Variants in CNTN4 observed in about 807,000 individuals in gnomAD.
CNTN4 encodes the protein contactin-4.
CNTN4 carries 77 observed loss-of-function variants against 122.5 expected under a neutral mutation model. The ratio of observed to expected loss-of-function variants is 0.63; its 90% CI spans 0.52 to 0.76. The LOEUF is 0.76. Among genes scored for constraint, CNTN4 ranks in the 30% least tolerant of loss-of-function variants. The pLI, the probability that CNTN4 is intolerant of heterozygous loss-of-function variation, is 0.00. For synonymous variants in CNTN4, 512 were observed against 447.0 expected (o/e 1.15, Z -1.83); for missense variants, 1,256 against 1,259.1 (o/e 1.00, Z 0.04).
chr3:2,174,269 G>A (rs978838793), intron 2 of CNTN4, among the ~76,000 whole-genome samples: 3 of 152,154 alleles, frequency 2.0e-5, no homozygotes, highest in African/African-American at 7.2e-5. Context: ...CTAGATGGAG[G>A]TGTATAAGAA....
intron 3 of CNTN4, among the ~76,000 whole-genome samples, chr3:2,524,359 T>C (rs1309388139): frequency 1.3e-5 from 2 of 152,136 alleles, no homozygotes; most frequent in Admixed American, 1.3e-4. Context: ...ATTTTAGATA[T>C]ACTACATTTT....
chr3:2,618,670 T>C (rs569290404), intron 4 of CNTN4, among the ~76,000 whole-genome samples: 26 of 152,192 alleles, frequency 1.7e-4, no homozygotes, highest in Non-Finnish European at 2.4e-4. Flanking sequence ...TCTGGAGTCA[T>C]TGCTCTTATT....
intron 4 of CNTN4, among the ~76,000 whole-genome samples, chr3:2,661,363 A>C (rs1559358498): frequency 6.6e-6 from 1 of 152,160 alleles, no homozygotes; most frequent in South Asian, 2.1e-4. Flanking sequence ...TCTAGGACTG[A>C]AATAAAACAT....
intron 3 of CNTN4, among the ~76,000 whole-genome samples, chr3:2,443,150 A>G (rs1035066462): frequency 1.3e-5 from 1 of 78,782 alleles, no homozygotes; most frequent in African/African-American, 3.9e-5. Flanking sequence ...ATAAAAGTTA[A>G]AAAAAAAAAA....
intron 3 of CNTN4, among the ~76,000 whole-genome samples, chr3:2,549,217 G>T (rs1032978232): frequency 6.6e-6 from 1 of 152,058 alleles, no homozygotes; most frequent in Non-Finnish European, 1.5e-5. Flanking sequence ...GATTGCCCTG[G>T]CCAGAACTTC....
intron 7 of CNTN4, among the ~76,000 whole-genome samples, chr3:2,837,527 C>T (rs115346748): frequency 2.7e-3 from 413 of 152,224 alleles, no homozygotes; most frequent in African/African-American, 9.3e-3. Context: ...CACACAGCAA[C>T]GGTCAGACTA....
At chr3:2,165,184 G>A (rs180841291) in intron 2 of CNTN4, among the ~76,000 whole-genome samples, 78 of 152,088 alleles carry the variant, frequency 5.1e-4, no homozygotes, top group African/African-American at 1.5e-3. Flanking sequence ...TTAGCTGGGT[G>A]TGATGGCGGG....
chr3:2,673,295 A>G lies in CNTN4; in HGVS notation c.56-62920A>G, dbSNP rs74817565. Reference sequence around the variant, plus strand: ...CTATGTACAGTCGATTTATGCTATCACCTTACATCTGGGTCTAAGCCAGCT... The same window carrying G: ...CTATGTACAGTCGATTTATGCTATCGCCTTACATCTGGGTCTAAGCCAGCT... On this transcript the variant is annotated intron_variant, in intron 4 of 24. Coordinates refer to ENST00000418658, the MANE Select transcript of CNTN4 (RefSeq NM_175607.3). Among the ~76,000 whole-genome samples the G allele has an allele frequency of 1.8e-3, 276 of 152,258 alleles. 8 individuals carry two copies. The East Asian group carries it at 0.045, about 25-fold the overall frequency.
At chr3:2,539,348 A>C (rs1026927984) in intron 3 of CNTN4, among the ~76,000 whole-genome samples, 1 of 152,078 alleles carries the variant, frequency 6.6e-6, no homozygotes, top group Non-Finnish European at 1.5e-5. Context: ...TATGAACCTC[A>C]TCTTTCCCCA....
intron 14 of CNTN4, among the ~76,000 whole-genome samples, chr3:3,025,850 C>G (rs952697236): frequency 3.9e-5 from 6 of 152,132 alleles, no homozygotes; most frequent in African/African-American, 1.4e-4. Flanking sequence ...GATCTCACCT[C>G]CATGCTCCCT....
intron 3 of CNTN4, among the ~76,000 whole-genome samples, chr3:2,420,300 T>C (rs1261685623): frequency 6.6e-6 from 1 of 152,200 alleles, no homozygotes; most frequent in East Asian, 1.9e-4. Context: ...TCTTAATTAA[T>C]GACTCTCAAG....
intron 2 of CNTN4, among the ~76,000 whole-genome samples, chr3:2,162,493 C>A (rs1271659417): frequency 6.6e-6 from 1 of 152,104 alleles, no homozygotes; most frequent in African/African-American, 2.4e-5. Context: ...AACTGTGTCC[C>A]ACAACTGGAA....
chr3:2,279,645 G>T (rs1055644817), intron 2 of CNTN4, among the ~76,000 whole-genome samples: 1 of 151,996 alleles, frequency 6.6e-6, no homozygotes, highest in East Asian at 1.9e-4. Context: ...AGATGAAAAG[G>T]CATTTTTGAC....
At chr3:2,514,012 G>GTGGA (rs1400565689) in intron 3 of CNTN4, among the ~76,000 whole-genome samples, 2 of 152,160 alleles carry the variant, frequency 1.3e-5, no homozygotes, top group Non-Finnish European at 2.9e-5. Context: ...CAACAACATT[G>GTGGA]TGGACAATTT....
At chr3:2,911,624 A>T (rs556320318) in intron 12 of CNTN4, among the ~76,000 whole-genome samples, 1 of 152,314 alleles carries the variant, frequency 6.6e-6, no homozygotes, top group African/African-American at 2.4e-5. Context: ...AAAGAATTCT[A>T]ATTATTCTCA....
intron 13 of CNTN4, among the ~76,000 whole-genome samples, chr3:2,981,261 A>G (rs370182350): frequency 3.8e-4 from 57 of 151,988 alleles, no homozygotes; most frequent in East Asian, 9.7e-4. Flanking sequence ...TGGCTAACAC[A>G]GTGAAACCCC....
chr3:2,481,463 G>A (rs977698204), intron 3 of CNTN4, among the ~76,000 whole-genome samples: 2 of 151,898 alleles, frequency 1.3e-5, no homozygotes, highest in Non-Finnish European at 2.9e-5. Context: ...TCAATAAATG[G>A]TCCTGGAACA....
At chr3:2,795,889 A>C (rs1169735982) in intron 6 of CNTN4, among the ~76,000 whole-genome samples, 4 of 152,164 alleles carry the variant, frequency 2.6e-5, no homozygotes, top group African/African-American at 7.2e-5. Flanking sequence ...AGGCAAAAAG[A>C]AATAAAAATA....
chr3:2,326,220 C>T (rs911850785), intron 2 of CNTN4, among the ~76,000 whole-genome samples: 1 of 152,128 alleles, frequency 6.6e-6, no homozygotes, highest in Non-Finnish European at 1.5e-5. Flanking sequence ...AGAGAATTTC[C>T]CTGTCCCTAC....
Sources: allele counts gnomAD v4.1 joint callset (sites outside exome capture counted in the v4.1 genomes callset), GRCh38; gene constraint gnomAD v4.1.1; transcripts MANE v1.5; gene names NCBI Gene and HGNC (gene_info 2026-07-23, HGNC 2026-07-21).